The following NSD1 variants were observed in gnomAD, a reference collection of about 807,000 sequenced individuals.
NSD1 encodes the protein nuclear receptor binding SET domain protein 1.
NSD1 carries 26 observed loss-of-function variants against 242.7 expected under a neutral mutation model. The ratio of observed to expected loss-of-function variants is 0.11; its 90% CI spans 0.08 to 0.15. NSD1 has a LOEUF of 0.15. NSD1 is among the 10% of genes least tolerant of loss of function. NSD1 has a pLI of 1.00. For synonymous variants in NSD1, 1,106 were observed against 1,178.1 expected, an observed-to-expected ratio of 0.94 and a Z score of 1.25; for missense variants, 2,495 against 3,272.8, an observed-to-expected ratio of 0.76 and a Z score of 5.80.
At position 177,258,505 on chromosome 5, in the gene NSD1, A is replaced by T. The variant is rs183744491; in HGVS notation, c.4966+1354A>T. Among the ~76,000 whole-genome samples the T allele has an allele frequency of 4.0e-5, 6 of 151,712 alleles. No homozygotes were observed. In the East Asian group the frequency reaches 1.2e-3, roughly 29 times the overall value. Reference sequence around the variant, plus strand: ...TTTTGAAATGTGTTCTCTTTGGTAAAACAAGTTGTTTTTGTTGTTGTTGTT... The same window carrying T: ...TTTTGAAATGTGTTCTCTTTGGTAATACAAGTTGTTTTTGTTGTTGTTGTT... On this transcript the variant is annotated intron_variant, in intron 13 of 22. Coordinates refer to ENST00000439151, the MANE Select transcript of NSD1 (RefSeq NM_022455.5).
Position 177,211,352 on chromosome 5 carries a change from T to A in NSD1, c.2953T>A (p.Ser985Thr), listed in dbSNP as rs747480194. Reference sequence around the variant, plus strand: ...CAATCCTAGCCCTAGTGGGGGTGACTCTGCATTATCTGGCGAGTTGTCTGC... The same window carrying A: ...CAATCCTAGCCCTAGTGGGGGTGACACTGCATTATCTGGCGAGTTGTCTGC... ...SANPSPSGGD[S>T]ALSGELSASL... Residue 985 changes from serine (S) to threonine (T), a missense_variant, in exon 5 of 23, where the codon TCT becomes ACT. By Grantham distance (58) the Ser-to-Thr change is moderately conservative. Coordinates refer to ENST00000439151, the MANE Select transcript of NSD1 (RefSeq NM_022455.5). 1.9e-6 allele frequency: 3 copies of A among 1,614,116 alleles called. No homozygotes were observed. Among genetic ancestry groups the A allele is most frequent in the Non-Finnish European group, 2.5e-6 (3 of 1,180,022 alleles).
chr5:177,279,298 G>A (rs557334828), intron 17 of NSD1, among the ~76,000 whole-genome samples: 1 of 152,236 alleles, frequency 6.6e-6, no homozygotes, highest in African/African-American at 2.4e-5. Flanking sequence ...AGGAGATCGA[G>A]ACCAGCCTGG....
At chr5:177,141,104 C>T (rs771656697) in intron 2 of NSD1, among the ~76,000 whole-genome samples, 3 of 151,974 alleles carry the variant, frequency 2.0e-5, no homozygotes, top group Non-Finnish European at 4.4e-5. Context: ...CTCACTGCAA[C>T]CTCTGCCTCC....
intron 2 of NSD1, among the ~76,000 whole-genome samples, chr5:177,150,035 C>G (rs1474819158): frequency 6.6e-6 from 1 of 152,192 alleles, no homozygotes; most frequent in Non-Finnish European, 1.5e-5. Flanking sequence ...CTCCCAAGTT[C>G]AAGTGATTCT....
chr5:177,212,940 T>G (rs1562215466), intron 5 of NSD1, among the ~76,000 whole-genome samples: 1 of 152,168 alleles, frequency 6.6e-6, no homozygotes, highest in East Asian at 1.9e-4. Context: ...GATGTTAGGT[T>G]TTCTTTGACC....
chr5:177,210,734 C>A lies in NSD1; in HGVS notation c.2335C>A (p.His779Asn). 1 of 1,614,178 alleles carries A rather than the reference C, an allele frequency of 6.2e-7. No homozygotes were observed. Residue 779 changes from histidine (H) to asparagine (N), a missense_variant, in exon 5 of 23, where the codon CAT becomes AAT. Physicochemically the swap from His to Asn is moderately conservative, Grantham distance 68. This residue lies in a region of NSD1 where 515 missense variants were observed against 467.0 expected (regional missense o/e 1.10). Coordinates refer to ENST00000439151, the MANE Select transcript of NSD1 (RefSeq NM_022455.5). Reference protein sequence around the residue: ...KGGAANQALLHSKSKQPKFRS... With the variant: ...KGGAANQALLNSKSKQPKFRS... The stretch of plus-strand genomic sequence containing the variant: ...TGGGGCAGCAAATCAAGCTCTATTA[C>A]ATTCGAAAAGCAAACAGCCCAAGTT...
intron 5 of NSD1, among the ~76,000 whole-genome samples, chr5:177,213,778 C>T (rs1485530940): frequency 6.6e-6 from 1 of 152,130 alleles, no homozygotes; most frequent in African/African-American, 2.4e-5. Context: ...GCCCTGCCTT[C>T]AGTTTTTACC....
chr5:177,152,315 GTGTGTGTATGTATGTATGTA>G (rs754589636), intron 2 of NSD1, among the ~76,000 whole-genome samples: 23 of 140,506 alleles, frequency 1.6e-4, no homozygotes, highest in East Asian at 2.2e-4. Flanking sequence ...CAGGTTGTGT[GTGTGTGTATGTATGTATGTA>G]TGTATGTATG....
At chr5:177,195,566 C>G (rs1257933064) in intron 3 of NSD1, among the ~76,000 whole-genome samples, 3 of 152,146 alleles carry the variant, frequency 2.0e-5, no homozygotes, top group African/African-American at 7.2e-5. Context: ...TTCCCAGGGT[C>G]AAGCGATCTT....
intron 8 of NSD1, 53 bp from the exon 9 acceptor site, chr5:177,244,142 A>G: frequency 7.8e-7 from 1 of 1,288,286 alleles, no homozygotes; most frequent in Non-Finnish European, 1.1e-6. Flanking sequence ...TATAAAGTAA[A>G]GGGTTTATTT....
intron 17 of NSD1, among the ~76,000 whole-genome samples, chr5:177,276,005 TC>T (rs1187835941): frequency 2.0e-5 from 3 of 152,172 alleles, no homozygotes; most frequent in African/African-American, 4.8e-5. Flanking sequence ...CACTGCAACC[TC>T]CGCTTCGTGG....
chr5:177,253,949 T>C (rs1756212238), intron 12 of NSD1, among the ~76,000 whole-genome samples: 1 of 152,188 alleles, frequency 6.6e-6, no homozygotes, highest in Non-Finnish European at 1.5e-5. Flanking sequence ...ATTTTCTTTT[T>C]TCGGTTTTTG....
chr5:177,234,218 G>T (rs569434855), intron 5 of NSD1, among the ~76,000 whole-genome samples: 1 of 152,170 alleles, frequency 6.6e-6, no homozygotes, highest in Non-Finnish European at 1.5e-5. Flanking sequence ...TTTTAATATC[G>T]ACAAAGAGGC....
At chr5:177,273,312 T>TAAAAAA (rs11452158) in intron 16 of NSD1, among the ~76,000 whole-genome samples, 2 of 90,876 alleles carry the variant, frequency 2.2e-5, no homozygotes, top group African/African-American at 4.4e-5. Context: ...ACTGATGAGC[T>TAAAAAA]AAAAAAAAAA....
At chr5:177,187,064 T>C (rs1761291327) in intron 2 of NSD1, among the ~76,000 whole-genome samples, 1 of 151,666 alleles carries the variant, frequency 6.6e-6, no homozygotes, top group African/African-American at 2.4e-5. Context: ...TATTCAGATA[T>C]GGATTTAAAT....
chr5:177,222,491 T>G (rs1764316001), intron 5 of NSD1, among the ~76,000 whole-genome samples: 1 of 152,172 alleles, frequency 6.6e-6, no homozygotes. Context: ...TTCCACTTCC[T>G]CCATATGCTT....
intron 14 of NSD1, chr5:177,265,861 C>T: frequency 6.8e-7 from 1 of 1,466,996 alleles, no homozygotes; most frequent in Non-Finnish European, 9.6e-7. Context: ...CGTAGTCATT[C>T]TGCTTCACTT....
intron 14 of NSD1, among the ~76,000 whole-genome samples, chr5:177,263,691 C>T (rs1352561725): frequency 2.0e-5 from 3 of 152,192 alleles, no homozygotes; most frequent in Admixed American, 6.5e-5. Context: ...AACTGAGTTT[C>T]AAGCTGAACT....
chr5:177,177,712 A>G (rs1039012342), intron 2 of NSD1, among the ~76,000 whole-genome samples: 1 of 152,030 alleles, frequency 6.6e-6, no homozygotes, highest in Non-Finnish European at 1.5e-5. Context: ...GTGAGAACCT[A>G]TATGTATGGG....
Sources: gnomAD v4.1 joint callset for allele counts (sites outside exome capture counted in the v4.1 genomes callset) on GRCh38, gnomAD v4.1.1 for gene constraint, gnomAD v4.1.1 regional missense constraint, MANE v1.5 for transcripts, NCBI Gene and HGNC (gene_info 2026-07-23, HGNC 2026-07-21) for gene names.